FHIP1A: variants seen among roughly 807,000 people sequenced by gnomAD.
The protein encoded by FHIP1A is FHF complex subunit HOOK-interacting protein 1A.
Under a neutral mutation model 88.6 loss-of-function variants are expected in FHIP1A, and 61 were observed. The observed-to-expected ratio is 0.69, with a 90% CI of 0.56 to 0.85. The LOEUF is 0.85. Among genes scored for constraint, FHIP1A ranks in the 40% least tolerant of loss-of-function variants. The pLI is 0.00. For missense variants in FHIP1A, 1,154 were observed against 1,273.5 expected (o/e 0.91, Z 1.43); for synonymous variants, 478 against 496.0 (o/e 0.96, Z 0.48).
intron 3 of FHIP1A, among the ~76,000 whole-genome samples, chr4:151,491,535 C>T (rs1730281903): frequency 6.6e-6 from 1 of 152,018 alleles, no homozygotes; most frequent in East Asian, 1.9e-4. Flanking sequence ...AATAGAACCT[C>T]CTTAAAGCAT....
intron 8 of FHIP1A, among the ~76,000 whole-genome samples, chr4:151,634,471 A>T (rs961360364): frequency 6.6e-6 from 1 of 151,850 alleles, no homozygotes; most frequent in African/African-American, 2.4e-5. Context: ...ATTGAAAAAG[A>T]AGGAAAAAGT....
At position 151,656,678 on chromosome 4, in the gene FHIP1A, G is replaced by C. The variant is rs903006782; in HGVS notation, c.2731-82G>C. 1.4e-6 allele frequency: 2 copies of C among 1,403,550 alleles called. No homozygotes were observed. Among genetic ancestry groups the C allele is most frequent in the Non-Finnish European group, 1.9e-6 (2 of 1,033,114 alleles). 86.9% of individuals were successfully genotyped at this position (1,403,550 alleles called of 1,614,324 possible). ...ACATCATAATAGTTCCCATAATGAG[G>C]GTGCTACCTGCAAGATATATTGATA... On this transcript the variant is annotated intron_variant, in intron 12 of 13. Transcript: ENST00000435205. This position sits in a 1 kb window ranked among gnomAD's most constrained non-coding sequence, Gnocchi z 4.2.
intron 3 of FHIP1A, among the ~76,000 whole-genome samples, chr4:151,508,761 A>G (rs548799063): frequency 6.6e-6 from 1 of 152,158 alleles, no homozygotes; most frequent in Non-Finnish European, 1.5e-5. Flanking sequence ...CTTGGGATTG[A>G]CTTGACCCTG....
At chr4:151,639,509 TA>T (rs1160321182) in intron 9 of FHIP1A, among the ~76,000 whole-genome samples, 4 of 152,198 alleles carry the variant, frequency 2.6e-5, no homozygotes, top group Non-Finnish European at 5.9e-5. Flanking sequence ...GATGCTTCCT[TA>T]TTAGCTCATG....
At chr4:151,423,750 A>G (rs575040969) in intron 1 of FHIP1A, among the ~76,000 whole-genome samples, 3 of 152,318 alleles carry the variant, frequency 2.0e-5, no homozygotes, top group African/African-American at 7.2e-5. Context: ...AAGGTGTGCA[A>G]CATGTATGTC....
chr4:151,573,435 G>A (rs973987535), intron 4 of FHIP1A, among the ~76,000 whole-genome samples: 19 of 152,128 alleles, frequency 1.2e-4, no homozygotes, highest in African/African-American at 4.6e-4. Flanking sequence ...AAGGTGTTGA[G>A]GTGTTGATTA....
rs1415904460 is a variant in FHIP1A, at chr4:151,566,353, C to T, written c.94C>T (p.His32Tyr). ...PETCMIVFKN[H>Y]WAQVVKILEK... ...AACATGCATGATTGTATTTAAAAACCACTGGGCACAGGTAATGTATGAATT... is the reference window on the plus strand; with the variant it reads ...AACATGCATGATTGTATTTAAAAACTACTGGGCACAGGTAATGTATGAATT... The change falls in exon 4 of 14, where the codon CAC becomes TAC. Residue 32 changes from histidine to tyrosine, a missense_variant. Transcript: ENST00000435205. The T allele has an allele frequency of 6.5e-7, 1 of 1,545,230 alleles. No homozygotes were observed. Among genetic ancestry groups the T allele is most frequent in the South Asian group, 1.2e-5 (1 of 83,900 alleles).
chr4:151,612,750 T>C (rs749190868), intron 7 of FHIP1A, among the ~76,000 whole-genome samples: 25 of 152,222 alleles, frequency 1.6e-4, no homozygotes, highest in Non-Finnish European at 2.5e-4. Context: ...TTGTGCCATC[T>C]AGTGGATCTA....
chr4:151,430,112 C>A (rs971838652), intron 1 of FHIP1A, among the ~76,000 whole-genome samples: 5 of 152,142 alleles, frequency 3.3e-5, no homozygotes, highest in African/African-American at 1.2e-4. Flanking sequence ...TTTGCTGTTT[C>A]TGTTAAAATC....
At chr4:151,588,231 A>G (rs781291398) in intron 6 of FHIP1A, among the ~76,000 whole-genome samples, 7 of 152,156 alleles carry the variant, frequency 4.6e-5, no homozygotes, top group Non-Finnish European at 7.4e-5. Flanking sequence ...TGGAAATCAA[A>G]TATGAGAAGT....
chr4:151,629,660 C>CA, intron 7 of FHIP1A, 42 bp from the exon 8 acceptor site: 1 of 1,538,862 alleles, frequency 6.5e-7, no homozygotes, highest in Non-Finnish European at 8.8e-7. Context: ...ATCACAGCAT[C>CA]AAAAGGATGC....
chr4:151,517,604 A>G (rs1033462696), intron 3 of FHIP1A, among the ~76,000 whole-genome samples: 1 of 152,068 alleles, frequency 6.6e-6, no homozygotes, highest in African/African-American at 2.4e-5. Flanking sequence ...ATCCTGCCAT[A>G]TATATATTCA....
At chr4:151,509,737 G>A (rs919100329) in intron 3 of FHIP1A, among the ~76,000 whole-genome samples, 4 of 150,760 alleles carry the variant, frequency 2.7e-5, no homozygotes, top group African/African-American at 7.3e-5. Flanking sequence ...CTCAAAGTAC[G>A]TTAAAAATAC....
chr4:151,641,356 G>C (rs995944678), intron 9 of FHIP1A, among the ~76,000 whole-genome samples: 19 of 152,194 alleles, frequency 1.2e-4, no homozygotes, highest in African/African-American at 4.6e-4. Context: ...TGGTTTTGGA[G>C]TATGCCACCT....
At chr4:151,495,672 G>A (rs1203751226) in intron 3 of FHIP1A, among the ~76,000 whole-genome samples, 1 of 138,970 alleles carries the variant, frequency 7.2e-6, no homozygotes, top group African/African-American at 2.7e-5. Flanking sequence ...TACCCAGGCT[G>A]GAGTGCAGTG....
intron 3 of FHIP1A, among the ~76,000 whole-genome samples, chr4:151,492,123 G>A (rs1381219632): frequency 6.7e-6 from 1 of 149,786 alleles, no homozygotes; most frequent in Admixed American, 6.6e-5. Context: ...GAAAAACAGT[G>A]GTCTTAAACT....
At chr4:151,594,722 T>C (rs28837860) in intron 7 of FHIP1A, among the ~76,000 whole-genome samples, 5,153 of 151,956 alleles carry the variant, frequency 0.034, 301 homozygotes, top group African/African-American at 0.12. Context: ...TACAGGCGCC[T>C]GCCACCACGC....
chr4:151,537,521 C>A (rs924447022), intron 3 of FHIP1A, among the ~76,000 whole-genome samples: 5 of 152,052 alleles, frequency 3.3e-5, no homozygotes, highest in African/African-American at 1.2e-4. Flanking sequence ...ATGTGGTTTG[C>A]AGATATTTTT....
At chr4:151,636,741 A>G (rs1022943943) in intron 8 of FHIP1A, among the ~76,000 whole-genome samples, 1 of 152,098 alleles carries the variant, frequency 6.6e-6, no homozygotes, top group African/African-American at 2.4e-5. Flanking sequence ...TATTGTTAAT[A>G]TAGGAATACT....
Sources: gnomAD v4.1 joint callset for allele counts (sites outside exome capture counted in the v4.1 genomes callset) on GRCh38, gnomAD v4.1.1 for gene constraint, Gnocchi (gnomAD v3.1) non-coding constraint, MANE v1.5 for transcripts, NCBI Gene and HGNC (gene_info 2026-07-23, HGNC 2026-07-21) for gene names.